The following NAV2 variants were observed in gnomAD, a reference collection of about 807,000 sequenced individuals.
NAV2 encodes neuron navigator 2, also known as helicase, APC down-regulated 1.
NAV2 carries 54 observed loss-of-function variants against 223.2 expected under a neutral mutation model. The observed-to-expected ratio is 0.24, with a 90% CI of 0.19 to 0.30. NAV2 has a LOEUF of 0.30. Ranked by LOEUF, NAV2 falls within the 10% of genes least tolerant of loss-of-function variation. NAV2 has a pLI of 1.00. For synonymous variants in NAV2, 1,279 were observed against 1,239.3 expected, an observed-to-expected ratio of 1.03 and a Z score of -0.67; for missense variants, 2,806 against 3,147.5, an observed-to-expected ratio of 0.89 and a Z score of 2.60.
At chr11:19,762,971 T>A (rs116594530) in intron 1 of NAV2, among the ~76,000 whole-genome samples, 2 of 152,160 alleles carry the variant, frequency 1.3e-5, no homozygotes, top group African/African-American at 4.8e-5. Flanking sequence ...TGGTTACCTG[T>A]CCTCAATAGC....
intron 1 of NAV2, among the ~76,000 whole-genome samples, chr11:19,490,744 T>C (rs1390147029): frequency 2.0e-5 from 3 of 152,244 alleles, no homozygotes; most frequent in Admixed American, 2.0e-4. Flanking sequence ...CCATGAATCA[T>C]GAATGTTCTT....
chr11:19,402,587 AT>A (rs1331198964), intron 1 of NAV2, among the ~76,000 whole-genome samples: 3 of 151,856 alleles, frequency 2.0e-5, no homozygotes, highest in Non-Finnish European at 4.4e-5. Flanking sequence ...TTTTTTATTT[AT>A]TTGAGTGTAA....
chr11:19,746,992 T>G, intron 1 of NAV2, among the ~76,000 whole-genome samples: 1 of 149,988 alleles, frequency 6.7e-6, no homozygotes, highest in African/African-American at 2.4e-5. Context: ...GCTGCACCCA[T>G]TAACTCATCA....
chr11:19,969,213 A>G (rs1177427335), intron 10 of NAV2, among the ~76,000 whole-genome samples: 5 of 152,140 alleles, frequency 3.3e-5, no homozygotes, highest in African/African-American at 1.2e-4. Flanking sequence ...TACAATGGGA[A>G]ATTTGGCCAT....
intron 1 of NAV2, among the ~76,000 whole-genome samples, chr11:19,763,194 A>G (rs1306127817): frequency 6.6e-6 from 1 of 152,228 alleles, no homozygotes; most frequent in African/African-American, 2.4e-5. Context: ...TTGGATCTTA[A>G]ATGTTCCACT....
intron 1 of NAV2, among the ~76,000 whole-genome samples, chr11:19,629,128 G>C (rs1180717588): frequency 6.6e-6 from 1 of 152,010 alleles, no homozygotes; most frequent in Non-Finnish European, 1.5e-5. Context: ...GCAGCCTCCC[G>C]CTCTGCCTCA....
chr11:19,752,313 G>T (rs572757856), intron 1 of NAV2, among the ~76,000 whole-genome samples: 1 of 152,284 alleles, frequency 6.6e-6, no homozygotes, highest in African/African-American at 2.4e-5. Flanking sequence ...TTCACCTGGA[G>T]GGCCACACTG....
At chr11:19,750,728 C>T (rs2053734507) in intron 1 of NAV2, among the ~76,000 whole-genome samples, 2 of 152,190 alleles carry the variant, frequency 1.3e-5, no homozygotes, top group Non-Finnish European at 1.5e-5. Flanking sequence ...CAAAAGGAGG[C>T]AGAGACAGAG....
chr11:19,458,625 G>A (rs537492473), intron 1 of NAV2, among the ~76,000 whole-genome samples: 7 of 152,278 alleles, frequency 4.6e-5, no homozygotes, highest in South Asian at 4.2e-4. Flanking sequence ...AAAGGAAACC[G>A]AGGCACAGAG....
In NAV2 at chr11:20,055,809, G is replaced by C. The variant is rs1207261170; in HGVS notation, c.4683G>C (p.Pro1561=). The change falls in exon 19 of 38, where the codon CCG becomes CCC. Residue 1561 remains proline (P), a synonymous_variant. Transcript: ENST00000349880. The stretch of plus-strand genomic sequence containing the variant: ...TCACCCAGATGAGCTTGTCCAACCC[G>C]ACCATGCTGAGGACTCACAGCCTCT... ...TTVTQMSLSN[P]TMLRTHSLSN... 1 of 1,613,946 alleles carries C rather than the reference G, an allele frequency of 6.2e-7. No homozygotes were observed. Among genetic ancestry groups the C allele is most frequent in the Non-Finnish European group, 8.5e-7 (1 of 1,180,016 alleles).
intron 19 of NAV2, among the ~76,000 whole-genome samples, chr11:20,060,671 T>C (rs2058646109): frequency 6.6e-6 from 1 of 152,156 alleles, no homozygotes; most frequent in Admixed American, 6.5e-5. Context: ...CAGGTGGCAG[T>C]CTGCGAAATG....
chr11:19,941,810 G>A (rs1021720641), intron 8 of NAV2, among the ~76,000 whole-genome samples: 7 of 152,038 alleles, frequency 4.6e-5, no homozygotes, highest in Non-Finnish European at 8.8e-5. Context: ...TGTTGTTGAC[G>A]GCTTCAGCAG....
At chr11:19,833,457 G>T (rs2152911404) in intron 2 of NAV2, among the ~76,000 whole-genome samples, 1 of 152,358 alleles carries the variant, frequency 6.6e-6, no homozygotes, top group Non-Finnish European at 1.5e-5. Context: ...GTTGGCCTTA[G>T]CTGAAACTGT....
At chr11:19,418,771 TGTG>T (rs1309706617) in intron 1 of NAV2, among the ~76,000 whole-genome samples, 2 of 152,074 alleles carry the variant, frequency 1.3e-5, no homozygotes, top group African/African-American at 2.4e-5. Context: ...TTGAAGGGCT[TGTG>T]GTGGTGGGGT....
chr11:20,106,653 G>A (rs2062144624), intron 35 of NAV2, among the ~76,000 whole-genome samples: 1 of 147,962 alleles, frequency 6.8e-6, no homozygotes, highest in Non-Finnish European at 1.5e-5. Context: ...TTTTGTTTTT[G>A]TTTTTTGAGA....
chr11:19,644,520 G>C (rs1590025999), intron 1 of NAV2, among the ~76,000 whole-genome samples: 1 of 152,214 alleles, frequency 6.6e-6, no homozygotes, highest in African/African-American at 2.4e-5. Context: ...GCGGACTGTG[G>C]TCTAATATTG....
At chr11:20,020,790 G>C (rs1054162963) in intron 11 of NAV2, among the ~76,000 whole-genome samples, 24 of 152,100 alleles carry the variant, frequency 1.6e-4, no homozygotes, top group Non-Finnish European at 2.5e-4. Flanking sequence ...TAAAAGACAA[G>C]CTGCTTACGC....
In NAV2 at chr11:19,476,121, C is replaced by T. The variant is rs147716377; in HGVS notation, c.75+125094C>T. On this transcript the variant is annotated intron_variant, in intron 1 of 37. Coordinates refer to the NAV2 transcript ENST00000360655. ...TCCCGAGTAGCTGGGACTACAGGCA[C>T]GCGCCACCATGTCCAGCTAATTTTT... 4.5e-3 allele frequency among the ~76,000 whole-genome samples: 691 copies of T among 152,218 alleles called. 8 individuals carry two copies. The highest frequency in any genetic ancestry group is 0.016 in the African/African-American group (646 of 41,542).
intron 36 of NAV2, among the ~76,000 whole-genome samples, chr11:20,112,734 G>A (rs962430274): frequency 6.6e-6 from 1 of 152,226 alleles, no homozygotes; most frequent in Admixed American, 6.5e-5. Context: ...TGAGGTTCTA[G>A]GTTCAAATCG....
Sources: gnomAD v4.1 joint callset for allele counts (sites outside exome capture counted in the v4.1 genomes callset) on GRCh38, gnomAD v4.1.1 for gene constraint, MANE v1.5 for transcripts, NCBI Gene and HGNC (gene_info 2026-07-23, HGNC 2026-07-21) for gene names.